MACROD2: variants seen among roughly 807,000 people sequenced by gnomAD.
MACROD2 encodes the protein mono-ADP ribosylhydrolase 2, also known as ADP-ribose glycohydrolase MACROD2.
A neutral mutation model predicts 70.4 loss-of-function variants in MACROD2; 36 were observed. The observed-to-expected ratio is 0.51, with a 90% CI of 0.39 to 0.68. The LOEUF (loss-of-function observed/expected upper bound fraction) is 0.68. Among genes scored for constraint, MACROD2 ranks in the 30% least tolerant of loss-of-function variants. MACROD2 has a pLI of 0.00. For missense variants in MACROD2, 496 were observed against 538.4 expected (o/e 0.92, Z 0.78); for synonymous variants, 172 against 178.8 (o/e 0.96, Z 0.30).
At chr20:14,940,322 A>G (rs2074379536) in intron 5 of MACROD2, among the ~76,000 whole-genome samples, 2 of 152,160 alleles carry the variant, frequency 1.3e-5, no homozygotes, top group East Asian at 1.9e-4. Context: ...CAACAGAGTG[A>G]CACCCTGTCT....
rs1472320218 is a variant in MACROD2, at chr20:15,454,807, G to A, written c.571+23372G>A. On this transcript the variant is annotated intron_variant, in intron 7 of 17. Transcript: ENST00000684519. ...GTTTCTTGCAGCAGGATGTCTCTGC[G>A]AAAGTGGGCTTTTAACCATTTCGCA... Among the ~76,000 whole-genome samples, 9 of 58,648 alleles carry A rather than the reference G, an allele frequency of 1.5e-4. 1 individual carries two copies. The highest frequency in any genetic ancestry group is 4.5e-4 in the Admixed American group (2 of 4,486). 38.5% of individuals were successfully genotyped at this position (58,648 alleles called of 152,430 possible).
At chr20:14,875,214 C>T (rs1009755487) in intron 5 of MACROD2, among the ~76,000 whole-genome samples, 5 of 151,842 alleles carry the variant, frequency 3.3e-5, no homozygotes, top group Non-Finnish European at 2.9e-5. Flanking sequence ...AACCCCATCT[C>T]TACTAAAAAT....
chr20:15,178,031 A>G (rs1377394001), intron 5 of MACROD2, among the ~76,000 whole-genome samples: 1 of 151,948 alleles, frequency 6.6e-6, no homozygotes, highest in African/African-American at 2.4e-5. Context: ...GGATTTCTAT[A>G]TGGGTACAGT....
At chr20:15,586,512 T>C (rs1393446903) in intron 8 of MACROD2, among the ~76,000 whole-genome samples, 1 of 152,250 alleles carries the variant, frequency 6.6e-6, no homozygotes, top group Non-Finnish European at 1.5e-5. Flanking sequence ...AAACAATAGA[T>C]GGATTCTTTC....
chr20:14,381,354 C>G (rs1212262401), intron 3 of MACROD2, among the ~76,000 whole-genome samples: 1 of 151,990 alleles, frequency 6.6e-6, no homozygotes, highest in Admixed American at 6.6e-5. Context: ...ACATTTTGCC[C>G]TAAGGATTTC....
intron 8 of MACROD2, among the ~76,000 whole-genome samples, chr20:15,817,682 A>C (rs1038027550): frequency 3.3e-5 from 5 of 152,108 alleles, no homozygotes; most frequent in African/African-American, 1.2e-4. Flanking sequence ...GACCACCACC[A>C]TATCTCTCCT....
At chr20:15,292,439 A>G (rs191761204) in intron 6 of MACROD2, among the ~76,000 whole-genome samples, 9 of 152,302 alleles carry the variant, frequency 5.9e-5, no homozygotes. Context: ...ACCCCGTATT[A>G]GCTTTTGCAA....
intron 2 of MACROD2, among the ~76,000 whole-genome samples, chr20:14,054,644 G>T (rs1464016869): frequency 6.6e-6 from 1 of 152,152 alleles, no homozygotes; most frequent in Non-Finnish European, 1.5e-5. Context: ...GGTTATGCTG[G>T]ATGCAAGAAA....
chr20:16,006,683 G>C (rs533562585), intron 15 of MACROD2, among the ~76,000 whole-genome samples: 1 of 152,164 alleles, frequency 6.6e-6, no homozygotes, highest in Non-Finnish European at 1.5e-5. Flanking sequence ...GCTCTCCCTC[G>C]AATTGGGTGA....
At chr20:15,270,056 G>A (rs370553165) in intron 6 of MACROD2, among the ~76,000 whole-genome samples, 1 of 151,824 alleles carries the variant, frequency 6.6e-6, no homozygotes, top group East Asian at 1.9e-4. Flanking sequence ...AGGCACTAAT[G>A]TGGACTATGA....
intron 5 of MACROD2, among the ~76,000 whole-genome samples, chr20:14,830,346 C>T (rs552693021): frequency 6.2e-4 from 94 of 152,184 alleles, no homozygotes; most frequent in African/African-American, 2.2e-3. Context: ...AGTGATTAAG[C>T]TCTGTGCTAT....
intron 2 of MACROD2, among the ~76,000 whole-genome samples, chr20:14,019,042 C>T (rs939544145): frequency 1.4e-4 from 21 of 152,104 alleles, no homozygotes; most frequent in African/African-American, 4.6e-4. Flanking sequence ...CTTAAATTAA[C>T]TCTGCAGCAA....
intron 13 of MACROD2, among the ~76,000 whole-genome samples, chr20:15,969,121 T>C (rs987461512): frequency 6.6e-6 from 1 of 152,006 alleles, no homozygotes; most frequent in East Asian, 1.9e-4. Flanking sequence ...AGCAGTAGAT[T>C]GGCGGTGGAC....
intron 2 of MACROD2, among the ~76,000 whole-genome samples, chr20:14,043,301 C>G (rs997528163): frequency 1.3e-5 from 2 of 152,150 alleles, no homozygotes. Flanking sequence ...TTCAGTTAAG[C>G]TGCTGAAGTG....
At chr20:14,145,272 T>A (rs1403231087) in intron 3 of MACROD2, among the ~76,000 whole-genome samples, 1 of 152,212 alleles carries the variant, frequency 6.6e-6, no homozygotes, top group Non-Finnish European at 1.5e-5. Flanking sequence ...TTTCTACATG[T>A]TCTAAACCGC....
intron 4 of MACROD2, among the ~76,000 whole-genome samples, chr20:14,515,459 A>ACG (rs1555798319): frequency 1.4e-5 from 1 of 71,332 alleles, no homozygotes; most frequent in South Asian, 6.8e-4. Flanking sequence ...TGAGATACAC[A>ACG]CACACGCACA....
intron 8 of MACROD2, among the ~76,000 whole-genome samples, chr20:15,616,894 G>A (rs150758682): frequency 2.0e-5 from 3 of 152,292 alleles, no homozygotes; most frequent in Non-Finnish European, 2.9e-5. Context: ...CCCATATGGG[G>A]TTCAATTTCC....
At position 14,655,374 on chromosome 20, in the gene MACROD2, G is replaced by C. The variant is rs998881172; in HGVS notation, c.302-29469G>C. On this transcript the variant is annotated intron_variant, in intron 4 of 17. Transcript: ENST00000684519. ...GTGTGTGTGTTTTGAGGGTGTGCTT[G>C]TGTGTGTTCCTGTCTGAGTTTTGCT... is the stretch of plus-strand genomic sequence containing the variant. 2.7e-4 allele frequency among the ~76,000 whole-genome samples: 41 copies of C among 151,126 alleles called. 2 individuals are homozygous for C. The highest frequency in any genetic ancestry group is 1.9e-3 in the East Asian group (10 of 5,162).
chr20:15,270,133 G>T (rs892680140), intron 6 of MACROD2, among the ~76,000 whole-genome samples: 1 of 149,402 alleles, frequency 6.7e-6, no homozygotes, highest in East Asian at 2.0e-4. Flanking sequence ...CTCCAGCCTC[G>T]GGGTCTCACA....
Sources: gnomAD v4.1 joint callset for allele counts (sites outside exome capture counted in the v4.1 genomes callset) on GRCh38, gnomAD v4.1.1 for gene constraint, MANE v1.5 for transcripts, NCBI Gene and HGNC (gene_info 2026-07-23, HGNC 2026-07-21) for gene names.